FAM83C: variants seen among roughly 807,000 people sequenced by gnomAD.
FAM83C encodes the protein scaffolding CK1 anchoring protein C.
Under a neutral mutation model 27.1 loss-of-function variants are expected in FAM83C, and 23 were observed. The observed-to-expected ratio is 0.85, with a 90% CI of 0.61 to 1.20. The LOEUF (loss-of-function observed/expected upper bound fraction) is 1.20, where lower values mean the gene tolerates loss of function less well. Ranked by LOEUF, FAM83C falls within the 50% of genes most tolerant of loss-of-function variation. The pLI, the probability that FAM83C is intolerant of heterozygous loss-of-function variation, is 0.00. For synonymous variants in FAM83C, 426 were observed against 423.1 expected, an observed-to-expected ratio of 1.01 and a Z score of -0.09; for missense variants, 984 against 1,001.3, an observed-to-expected ratio of 0.98 and a Z score of 0.23.
At chr20:35,289,627 ACGCCCAGT>A (rs1368944713) in intron 1 of FAM83C, among the ~76,000 whole-genome samples, 1 of 151,584 alleles carries the variant, frequency 6.6e-6, no homozygotes, top group Non-Finnish European at 1.5e-5. Context: ...GTGAGCCACC[ACGCCCAGT>A]CGCTAGTTTT....
At chr20:35,289,682 A>G (rs1227006068) in intron 1 of FAM83C, among the ~76,000 whole-genome samples, 1 of 151,600 alleles carries the variant, frequency 6.6e-6, no homozygotes, top group African/African-American at 2.4e-5. Flanking sequence ...TGGGGTTCTC[A>G]CAAGCTGGTC....
Position 35,287,475 on chromosome 20 carries a change from C to T in FAM83C, c.1304G>A (p.Ser435Asn). ...TGACCCCACTGCCAAGGTTAAGGGG[C>T]TGGTACTATTATGGTTGAGGGCAGG... ...SSPALNHNST[S>N]PLTLAVGSPL... The change falls in exon 4 of 4, where the codon AGC (serine) becomes AAC (asparagine). Residue 435 changes from serine (S) to asparagine (N), a missense_variant. Ser to Asn is a conservative substitution (Grantham distance 46, BLOSUM62 1). Transcript: ENST00000374408. The T allele has an allele frequency of 1.9e-6, 3 of 1,614,200 alleles. No individual in the cohort carries two copies. The South Asian group carries it at 3.3e-5, about 18-fold the overall frequency.
In FAM83C at chr20:35,288,760, C is replaced by T. The variant is rs984417353; in HGVS notation, c.681+31G>A. ...TGCCCTCCCTGACTCCCCGCCCACA[C>T]CCCTGGTTACTGCCCCTGGTCCTCA... On this transcript the variant is annotated intron_variant, in intron 2 of 3. Coordinates refer to ENST00000374408, the MANE Select transcript of FAM83C (RefSeq NM_178468.6). 10 of 1,587,252 alleles carry T rather than the reference C, an allele frequency of 6.3e-6. No homozygotes were observed. In the African/African-American group the frequency reaches 8.0e-5, roughly 13 times the overall value.
intron 3 of FAM83C, 91 bp from the exon 4 acceptor site, chr20:35,288,063 G>T: frequency 1.8e-6 from 2 of 1,142,776 alleles, no homozygotes; most frequent in Non-Finnish European, 2.5e-6. Context: ...ACCTGGTCCA[G>T]CACGCTAGAC....
Position 35,288,963 on chromosome 20 carries a change from G to A in FAM83C, c.514-5C>T, listed in dbSNP as rs764929305. The A allele has an allele frequency of 2.5e-6, 4 of 1,612,316 alleles. No individual in the cohort carries two copies. The highest frequency in any genetic ancestry group is 3.4e-6 in the Non-Finnish European group (4 of 1,179,096). The stretch of plus-strand genomic sequence containing the variant: ...GTCCATCACCACAGCCACCACCTGG[G>A]TGGGGGGAGGCACACGAAAGCTCAG... On this transcript the variant is annotated splice_polypyrimidine_tract_variant and splice_region_variant and intron_variant, in intron 1 of 3. Coordinates refer to ENST00000374408, the MANE Select transcript of FAM83C (RefSeq NM_178468.6).
In FAM83C at chr20:35,292,278, G is replaced by C. The variant is rs2060850651; in HGVS notation, c.27C>G (p.Val9=). The change falls in exon 1 of 4, where the codon GTC becomes GTG. Residue 9 remains valine, a synonymous_variant. Transcript: ENST00000374408. The part of the protein sequence containing the change: MFGGPGPG[V]LGAQGMAGPL... ...GTCCCGCCATGCCCTGGGCTCCCAGGACCCCAGGCCCCGGGCCTCCGAACA... is the reference window on the plus strand; with the variant it reads ...GTCCCGCCATGCCCTGGGCTCCCAGCACCCCAGGCCCCGGGCCTCCGAACA... The C allele has an allele frequency of 6.4e-7, 1 of 1,551,508 alleles. No homozygotes were observed.
rs1600831123 is a variant in FAM83C, at chr20:35,287,544, G to A, written c.1235C>T (p.Ala412Val). 1.2e-6 allele frequency: 2 copies of A among 1,614,168 alleles called. No homozygotes were observed. Among genetic ancestry groups the A allele is most frequent in the South Asian group, 1.1e-5 (1 of 91,084 alleles). ...NHGSPPGLYR[A>V]NLGKLGAYPW... Reference sequence around the variant, plus strand: ...GTATGCCCCTAGCTTGCCGAGATTGGCCCTATAGAGCCCAGGAGGGGAGCC... The same window carrying A: ...GTATGCCCCTAGCTTGCCGAGATTGACCCTATAGAGCCCAGGAGGGGAGCC... Residue 412 changes from alanine (A) to valine (V), a missense_variant, in exon 4 of 4, where the codon GCC (alanine) becomes GTC (valine). Coordinates refer to ENST00000374408, the MANE Select transcript of FAM83C (RefSeq NM_178468.6).
At position 35,288,889 on chromosome 20, in the gene FAM83C, G is replaced by A. The variant is rs149492507; in HGVS notation, c.583C>T (p.Arg195Trp). 8.0e-5 allele frequency: 129 copies of A among 1,613,982 alleles called. No individual in the cohort carries two copies. In the African/African-American group the frequency reaches 1.2e-3, roughly 15 times the overall value. Residue 195 changes from arginine to tryptophan, a missense_variant, in exon 2 of 4, where the codon CGG becomes TGG. Coordinates refer to ENST00000374408, the MANE Select transcript of FAM83C (RefSeq NM_178468.6). ...LLCDLMEASS[R>W]RGVPVYLLLA... ...AGCAGGTACACAGGGACACCACGCC[G>A]GCTTGAGGCCTCCATGAGGTCACAC...
rs759052745 is a variant in FAM83C, at chr20:35,286,659, T to C, written c.2120A>G (p.Asn707Ser). ...EPGGPKGGHL[N>S]GGNSDLVRDE... ...CCTGACCAGGTCACTGTTACCACCA[T>C]TGAGATGGCCACCCTTGGGACCCCC... is the stretch of plus-strand genomic sequence containing the variant. The change falls in exon 4 of 4, where the codon AAT (asparagine) becomes AGT (serine). Residue 707 changes from asparagine (N) to serine (S), a missense_variant. By Grantham distance (46) the Asn-to-Ser change is conservative (BLOSUM62 1). Transcript: ENST00000374408. The C allele has an allele frequency of 6.2e-7, 1 of 1,613,300 alleles. No individual in the cohort carries two copies. The highest frequency in any genetic ancestry group is 1.7e-5 in the Admixed American group (1 of 59,990).
In FAM83C at chr20:35,287,038, C is replaced by T. The variant is rs749463590; in HGVS notation, c.1741G>A (p.Glu581Lys). 1 of 1,605,624 alleles carries T rather than the reference C, an allele frequency of 6.2e-7. No individual in the cohort carries two copies. The highest frequency in any genetic ancestry group is 1.1e-5 in the South Asian group (1 of 91,076). Reference sequence around the variant, plus strand: ...TGGTTTAGGGACAGCCTCCTGTCCTCCAGGGCCCGATCACCAGGTCTGAGG... The same window carrying T: ...TGGTTTAGGGACAGCCTCCTGTCCTTCAGGGCCCGATCACCAGGTCTGAGG... Reference protein sequence around the residue: ...GSLRPGDRALEDRRLSLNQSR... With the variant: ...GSLRPGDRALKDRRLSLNQSR... The change falls in exon 4 of 4, where the codon GAG becomes AAG. Residue 581 changes from glutamate to lysine, a missense_variant. By Grantham distance (56) the Glu-to-Lys change is moderately conservative. Transcript: ENST00000374408.
rs1201911846 is a variant in FAM83C at position 35,292,215 on chromosome 20, C to T, written c.90G>A (p.Trp30Ter). Reference protein sequence around the residue: ...RGRVEELKLPWWRESSPLVLR... With the variant: ...RGRVEELKLP ...GCACCAGCGGTGAGCTCTCCCGCCA[C>T]CACGGCAGCTTCAGCTCTTCCACCC... Residue 30 changes from tryptophan (W) to a stop codon, truncating the protein, a stop_gained, in exon 1 of 4, where the codon TGG becomes TGA. Transcript: ENST00000374408. LOFTEE classifies it high-confidence loss of function. 3 of 1,590,728 alleles carry T rather than the reference C, an allele frequency of 1.9e-6. No individual in the cohort carries two copies. The Admixed American group carries it at 5.1e-5, about 27-fold the overall frequency.
chr20:35,290,724 G>C (rs1310475265), intron 1 of FAM83C, among the ~76,000 whole-genome samples: 3 of 152,184 alleles, frequency 2.0e-5, no homozygotes, highest in Non-Finnish European at 4.4e-5. Flanking sequence ...CCTGGCCAGG[G>C]TGGGGGAACA....
intron 1 of FAM83C, among the ~76,000 whole-genome samples, chr20:35,289,704 G>A (rs2060841175): frequency 6.6e-6 from 1 of 151,778 alleles, no homozygotes; most frequent in East Asian, 1.9e-4. Context: ...TGAACCCCTG[G>A]CCTCAAGCGA....
In FAM83C at chr20:35,288,368, C is replaced by T. The variant is rs944263244; in HGVS notation, c.806+93G>A. ...CCTGGCACATGGCAGGTACTCAGCC[C>T]GTGTCCGAAGGAAAGGATGAGTGGA... On this transcript the variant is annotated intron_variant, in intron 3 of 3. Transcript: ENST00000374408. The T allele has an allele frequency of 2.4e-5, 37 of 1,566,802 alleles. No homozygotes were observed. In the African/African-American group the frequency reaches 4.4e-4, roughly 19 times the overall value.
rs1461404512 is a variant in FAM83C, at chr20:35,292,054, T to C, written c.251A>G (p.His84Arg). Reference protein sequence around the residue: ...SALDVDYMTSHVRGGPELSEA... With the variant: ...SALDVDYMTSRVRGGPELSEA... ...GCTGAGCTCAGGGCCCCCGCGCACATGGCTGGTCATGTAGTCCACATCCAG... is the reference window on the plus strand; with the variant it reads ...GCTGAGCTCAGGGCCCCCGCGCACACGGCTGGTCATGTAGTCCACATCCAG... The change falls in exon 1 of 4, where the codon CAT (histidine) becomes CGT (arginine). Residue 84 changes from histidine to arginine, a missense_variant. Transcript: ENST00000374408. 6.2e-7 allele frequency: 1 copy of C among 1,612,082 alleles called. No individual in the cohort carries two copies. The highest frequency in any genetic ancestry group is 1.3e-5 in the African/African-American group (1 of 74,920).
rs148042046 is a variant in FAM83C at position 35,287,886 on chromosome 20, C to T, written c.893G>A (p.Arg298His). Residue 298 changes from arginine (R) to histidine (H), a missense_variant, in exon 4 of 4, where the codon CGC becomes CAC. Transcript: ENST00000374408. ...RIVEDFDREFRCLYAESQPVE... is the reference protein window; with the variant it reads ...RIVEDFDREFHCLYAESQPVE... ...AGGCTGCGACTCAGCGTACAGACAG[C>T]GGAACTCCCGGTCAAAGTCTTCCAC... 4.5e-6 allele frequency: 7 copies of T among 1,558,608 alleles called. No homozygotes were observed. The highest frequency in any genetic ancestry group is 3.5e-5 in the South Asian group (3 of 84,862).
In FAM83C at chr20:35,287,854, C is replaced by G; in HGVS notation, c.925G>C (p.Gly309Arg). The change falls in exon 4 of 4, where the codon GGC (glycine) becomes CGC (arginine). Residue 309 changes from glycine to arginine, a missense_variant. Gly to Arg is a moderately radical substitution (Grantham distance 125, BLOSUM62 -2). Transcript: ENST00000374408. ...CLYAESQPVEGFCGGEDPLSP... is the reference protein window; with the variant it reads ...CLYAESQPVERFCGGEDPLSP... The stretch of plus-strand genomic sequence containing the variant: ...AGCGGGTCCTCACCGCCACAGAAGC[C>G]CTCCACAGGCTGCGACTCAGCGTAC... The G allele has an allele frequency of 1.9e-6, 3 of 1,568,432 alleles. No homozygotes were observed. Among genetic ancestry groups the G allele is most frequent in the Non-Finnish European group, 2.6e-6 (3 of 1,155,968 alleles).
chr20:35,291,227 G>A (rs1358947347), intron 1 of FAM83C, among the ~76,000 whole-genome samples: 1 of 152,194 alleles, frequency 6.6e-6, no homozygotes, highest in African/African-American at 2.4e-5. Context: ...CAGGAGGGTA[G>A]GGGGCAACTA....
intron 1 of FAM83C, among the ~76,000 whole-genome samples, chr20:35,289,810 G>A (rs1411293980): frequency 6.6e-6 from 1 of 152,130 alleles, no homozygotes; most frequent in Non-Finnish European, 1.5e-5. Context: ...AAGCATTTGT[G>A]TGCATCCTTC....
Sources: allele counts gnomAD v4.1 joint callset (sites outside exome capture counted in the v4.1 genomes callset), GRCh38; gene constraint gnomAD v4.1.1; transcripts MANE v1.5; gene names NCBI Gene and HGNC (gene_info 2026-07-23, HGNC 2026-07-21).